The following MOBP variants were observed in gnomAD, a reference collection of about 807,000 sequenced individuals.
MOBP encodes myelin associated oligodendrocyte basic protein, also known as myelin-associated oligodendrocyte basic protein.
MOBP carries 5 observed loss-of-function variants against 15.0 expected under a neutral mutation model. The observed-to-expected ratio is 0.33, with a 90% CI of 0.17 to 0.70. The LOEUF (loss-of-function observed/expected upper bound fraction) is 0.70. Among genes scored for constraint, MOBP ranks in the 30% least tolerant of loss-of-function variants. MOBP has a pLI of 0.67. For synonymous variants in MOBP, 88 were observed against 99.0 expected, an observed-to-expected ratio of 0.89 and a Z score of 0.66; for missense variants, 188 against 257.8, an observed-to-expected ratio of 0.73 and a Z score of 1.85.
At chr3:39,514,073 A>T (rs2043160782) in exon 5 of MOBP, 2 of 152,222 alleles carry the variant, frequency 1.3e-5, no homozygotes, top group Non-Finnish European at 2.9e-5. Context: ...CATGTGTCAG[A>T]TGTAGCCAAC....
chr3:39,475,438 T>C (rs2042532212), intron 1 of MOBP, among the ~76,000 whole-genome samples: 1 of 152,180 alleles, frequency 6.6e-6, no homozygotes, highest in Non-Finnish European at 1.5e-5. Flanking sequence ...TCCTTACACT[T>C]TCACCTACTA....
At chr3:39,510,703 ACT>A (rs1260038064) in intron 4 of MOBP, among the ~76,000 whole-genome samples, 1 of 151,968 alleles carries the variant, frequency 6.6e-6, no homozygotes, top group Non-Finnish European at 1.5e-5. Flanking sequence ...TTTGTGGTAG[ACT>A]CTAGGGTTTT....
chr3:39,483,393 G>A (rs1311491525), intron 2 of MOBP, among the ~76,000 whole-genome samples: 1 of 152,164 alleles, frequency 6.6e-6, no homozygotes, highest in Non-Finnish European at 1.5e-5. Flanking sequence ...TGGGAATAGG[G>A]TGGTCAGCAA....
intron 4 of MOBP, among the ~76,000 whole-genome samples, chr3:39,510,789 T>C (rs1470753570): frequency 6.6e-6 from 1 of 152,238 alleles, no homozygotes; most frequent in Non-Finnish European, 1.5e-5. Context: ...TGCCTATTTT[T>C]TGTATATGTT....
chr3:39,480,970 GT>G (rs1268338706), intron 2 of MOBP, among the ~76,000 whole-genome samples: 2 of 152,150 alleles, frequency 1.3e-5, no homozygotes, highest in African/African-American at 4.8e-5. Context: ...GGTGCTTCTA[GT>G]TGACTTGCCC....
rs530554597 is a variant in MOBP at position 39,493,900 on chromosome 3, A to G, written c.-4-8166A>G. On this transcript the variant is annotated intron_variant, in intron 2 of 3. Transcript: ENST00000684792. ...GGACAAGTTCCAAAGGCTTGAAATA[A>G]TCCTGTCTCTTGGGGGCTAGGAATG... 2.1e-4 allele frequency among the ~76,000 whole-genome samples: 32 copies of G among 152,280 alleles called. No homozygotes were observed. The South Asian group carries it at 6.0e-3, about 29-fold the overall frequency.
chr3:39,505,749 A>G (rs2043040248), downstream of MOBP, among the ~76,000 whole-genome samples: 1 of 152,084 alleles, frequency 6.6e-6, no homozygotes, highest in African/African-American at 2.4e-5. Context: ...CCTTAACCCA[A>G]TTGTCTCTCA....
chr3:39,478,794 T>C (rs1192179822), intron 1 of MOBP, among the ~76,000 whole-genome samples: 2 of 152,142 alleles, frequency 1.3e-5, no homozygotes, highest in Admixed American at 6.5e-5. Context: ...CAATACTTGC[T>C]TCTATATCAC....
intron 2 of MOBP, among the ~76,000 whole-genome samples, chr3:39,493,720 CAAAG>C (rs1307525787): frequency 1.3e-5 from 2 of 152,188 alleles, no homozygotes; most frequent in South Asian, 2.1e-4. Context: ...TCACAGAACA[CAAAG>C]GAAGGAGGTA....
chr3:39,499,150 G>A (rs2042932398), intron 2 of MOBP, among the ~76,000 whole-genome samples: 1 of 152,100 alleles, frequency 6.6e-6, no homozygotes, highest in African/African-American at 2.4e-5. Flanking sequence ...CATGTGCTGG[G>A]CACCTGAAGA....
At position 39,502,844 on chromosome 3, in the gene MOBP, TGGG is replaced by T. The variant is rs1170829170; in HGVS notation, c.520_522del (p.Gly174del). ...CCCTCAGAGGGCCAGGCGCCAGCCG[TGGG>T]GGGTCCCCCGTCAAAGCTTCTAGGT... On this transcript the variant is annotated inframe_deletion, in exon 4 of 4. Coordinates refer to ENST00000684792, the MANE Select transcript of MOBP (RefSeq NM_001393704.1). The surrounding 1 kb of genome is among the most constrained non-coding windows in gnomAD (Gnocchi z 6.3). 2 of 1,486,338 alleles carry T rather than the reference TGGG, an allele frequency of 1.3e-6. No homozygotes were observed. Among genetic ancestry groups the T allele is most frequent in the Non-Finnish European group, 1.8e-6 (2 of 1,109,956 alleles). 92.1% of individuals were successfully genotyped at this position (1,486,338 alleles called of 1,614,324 possible). A position where few individuals can be genotyped will look rare whatever the true frequency, so the allele number is the denominator to read the frequency against.
intron 1 of MOBP, among the ~76,000 whole-genome samples, chr3:39,473,468 G>A (rs911197369): frequency 1.3e-5 from 2 of 152,234 alleles, no homozygotes; most frequent in African/African-American, 4.8e-5. Flanking sequence ...GTAAGCAGGA[G>A]AGGCGTGCTT....
chr3:39,469,593 G>A (rs768442262), intron 1 of MOBP, among the ~76,000 whole-genome samples: 63 of 152,200 alleles, frequency 4.1e-4, no homozygotes, highest in Non-Finnish European at 6.9e-4. Context: ...ACCTGAGGCA[G>A]CTTTGACCTA....
At chr3:39,515,156 C>A (rs544908183) in exon 5 of MOBP, 1 of 152,332 alleles carries the variant, frequency 6.6e-6, no homozygotes, top group Non-Finnish European at 1.5e-5. Context: ...TGACACACCC[C>A]CTTCAGGGGC....
intron 1 of MOBP, among the ~76,000 whole-genome samples, chr3:39,468,044 CT>C (rs2042368028): frequency 6.6e-6 from 1 of 151,602 alleles, no homozygotes; most frequent in Admixed American, 6.6e-5. Context: ...GTTCCTGGAG[CT>C]AGATGGATGG....
chr3:39,513,801 A>G (rs1298850177), exon 5 of MOBP: 4 of 229,490 alleles, frequency 1.7e-5, no homozygotes, highest in East Asian at 9.0e-5. Context: ...TTGTCCTCCA[A>G]ATATTCCCTT....
intron 1 of MOBP, among the ~76,000 whole-genome samples, chr3:39,479,262 T>C (rs557586931): frequency 6.6e-6 from 1 of 152,336 alleles, no homozygotes; most frequent in East Asian, 1.9e-4. Flanking sequence ...ATTTCTATAG[T>C]TCATTACACA....
intron 2 of MOBP, among the ~76,000 whole-genome samples, chr3:39,482,117 C>T (rs2042637284): frequency 6.6e-6 from 1 of 152,054 alleles, no homozygotes; most frequent in Admixed American, 6.6e-5. Flanking sequence ...CTGTTTTTCG[C>T]CCAAACCTTC....
intron 2 of MOBP, among the ~76,000 whole-genome samples, chr3:39,493,960 G>T (rs1222951480): frequency 6.6e-6 from 1 of 152,168 alleles, no homozygotes; most frequent in African/African-American, 2.4e-5. Flanking sequence ...CCAGAGGAGG[G>T]TTCCTTCTTG....
Sources: allele counts gnomAD v4.1 joint callset (sites outside exome capture counted in the v4.1 genomes callset), GRCh38; gene constraint gnomAD v4.1.1; non-coding constraint Gnocchi (gnomAD v3.1); transcripts MANE v1.5; gene names NCBI Gene and HGNC (gene_info 2026-07-23, HGNC 2026-07-21).